SLC35D4: variants seen among roughly 807,000 people sequenced by gnomAD.
The protein encoded by SLC35D4 is UDP-N-acetylglucosamine transporter SLC35D4.
the SLC35D4 span, among the ~76,000 whole-genome samples, chr18:23,274,002 G>A: frequency 1.3e-5 from 2 of 151,948 alleles, no homozygotes; most frequent in South Asian, 2.1e-4. Flanking sequence ...GCACAATCAC[G>A]GCTCACTGCA....
the SLC35D4 span, among the ~76,000 whole-genome samples, chr18:23,367,012 A>G: frequency 6.6e-6 from 1 of 152,136 alleles, no homozygotes; most frequent in Non-Finnish European, 1.5e-5. Flanking sequence ...TATATACTCC[A>G]TTATTTTACC....
the SLC35D4 span, among the ~76,000 whole-genome samples, chr18:23,358,588 TCA>T: frequency 6.6e-6 from 1 of 152,192 alleles, no homozygotes; most frequent in East Asian, 1.9e-4. Flanking sequence ...CATTGGTTTC[TCA>T]CACACCACTT....
chr18:23,304,276 C>CAA, the SLC35D4 span, among the ~76,000 whole-genome samples: 15 of 77,350 alleles, frequency 1.9e-4, no homozygotes, highest in East Asian at 2.1e-3. Flanking sequence ...GACTCCGTAT[C>CAA]AAAAAAAAAA....
At chr18:23,379,508 C>T in the SLC35D4 span, among the ~76,000 whole-genome samples, 1 of 152,224 alleles carries the variant, frequency 6.6e-6, no homozygotes, top group East Asian at 1.9e-4. Flanking sequence ...TAAAGGGATG[C>T]TCTTCCACTT....
At chr18:23,393,221 A>AT in the SLC35D4 span, among the ~76,000 whole-genome samples, 1,074 of 147,302 alleles carry the variant, frequency 7.3e-3, 10 homozygotes, top group African/African-American at 0.025. Flanking sequence ...GGCCTAGATT[A>AT]TTTTTTTTTT....
At chr18:23,333,616 G>A in the SLC35D4 span, among the ~76,000 whole-genome samples, 375 of 152,242 alleles carry the variant, frequency 2.5e-3, 1 homozygote, top group African/African-American at 8.6e-3. Context: ...TTCCCAAGGC[G>A]GGAATGCAAG....
chr18:23,268,539 A>G, the SLC35D4 span, among the ~76,000 whole-genome samples: 3 of 152,034 alleles, frequency 2.0e-5, no homozygotes, highest in Admixed American at 2.0e-4. Context: ...TCTCCAGTCA[A>G]GGTTCGAGAG....
the SLC35D4 span, among the ~76,000 whole-genome samples, chr18:23,317,181 A>C: frequency 2.6e-4 from 38 of 143,950 alleles, no homozygotes; most frequent in South Asian, 1.1e-3. Context: ...ACACACACAC[A>C]CCCCACTAAT....
chr18:23,363,421 C>T, the SLC35D4 span, among the ~76,000 whole-genome samples: 2 of 114,320 alleles, frequency 1.7e-5, no homozygotes, highest in African/African-American at 3.4e-5. Context: ...CTTGCCCAGG[C>T]TGGAGTGCAG....
chr18:23,320,496 A>C, the SLC35D4 span, among the ~76,000 whole-genome samples: 1 of 151,942 alleles, frequency 6.6e-6, no homozygotes, highest in African/African-American at 2.4e-5. Context: ...ATCTTTCCCC[A>C]CTTGATTATC....
chr18:23,274,284 C>T, the SLC35D4 span, among the ~76,000 whole-genome samples: 1 of 152,246 alleles, frequency 6.6e-6, no homozygotes, highest in Non-Finnish European at 1.5e-5. Flanking sequence ...ATGGGCCATT[C>T]ACCTCCAGCC....
chr18:23,435,681 AC>A, the SLC35D4 span, among the ~76,000 whole-genome samples: 1 of 152,232 alleles, frequency 6.6e-6, no homozygotes, highest in African/African-American at 2.4e-5. Context: ...TAGGCCACCT[AC>A]CTTACAAACA....
chr18:23,244,203 TGGA>T, the SLC35D4 span, among the ~76,000 whole-genome samples: 2 of 151,998 alleles, frequency 1.3e-5, no homozygotes, highest in East Asian at 3.9e-4. Context: ...CTCAAGTGGA[TGGA>T]GACACTACTC....
At chr18:23,406,145 A>G in the SLC35D4 span, among the ~76,000 whole-genome samples, 2 of 152,348 alleles carry the variant, frequency 1.3e-5, no homozygotes, top group Admixed American at 1.3e-4. Context: ...TGGGCACTAG[A>G]GAGTATAATC....
chr18:23,433,629 T>C, the SLC35D4 span, among the ~76,000 whole-genome samples: 2 of 152,164 alleles, frequency 1.3e-5, no homozygotes, highest in African/African-American at 4.8e-5. Context: ...CCTCCCTCCC[T>C]ACCTAGGGCA....
At chr18:23,408,153 AC>A in the SLC35D4 span, among the ~76,000 whole-genome samples, 3 of 95,316 alleles carry the variant, frequency 3.1e-5, no homozygotes, top group African/African-American at 2.1e-4. Flanking sequence ...CCTGAGACAC[AC>A]ACACACACAC....
the SLC35D4 span, among the ~76,000 whole-genome samples, chr18:23,343,950 G>A: frequency 1.3e-5 from 2 of 150,884 alleles, no homozygotes; most frequent in East Asian, 3.9e-4. Context: ...CCAGACTGGA[G>A]TGCAATGGCG....
chr18:23,331,760 T>C, the SLC35D4 span, among the ~76,000 whole-genome samples: 1 of 152,108 alleles, frequency 6.6e-6, no homozygotes, highest in Admixed American at 6.6e-5. Flanking sequence ...ATCCCCTCTG[T>C]GGCCATGTGC....
At chr18:23,316,614 A>C in the SLC35D4 span, among the ~76,000 whole-genome samples, 1 of 152,136 alleles carries the variant, frequency 6.6e-6, no homozygotes, top group Admixed American at 6.5e-5. Flanking sequence ...CAGATATCAG[A>C]ACAACATTTA....
Sources: allele counts gnomAD v4.1 joint callset (sites outside exome capture counted in the v4.1 genomes callset), GRCh38; gene constraint gnomAD v4.1.1; transcripts MANE v1.5; gene names NCBI Gene and HGNC (gene_info 2026-07-23, HGNC 2026-07-21).